Variants in SMARCB1 observed in about 807,000 individuals in gnomAD.
SMARCB1 encodes the protein SWI/SNF related BAF chromatin remodeling complex subunit B1, also known as SWI/SNF-related matrix-associated actin-dependent regulator of chromatin subfamily B member 1.
A neutral mutation model predicts 49.0 loss-of-function variants in SMARCB1; 5 were observed. The ratio of observed to expected loss-of-function variants is 0.10; its 90% CI spans 0.05 to 0.21. SMARCB1 has a LOEUF of 0.21. SMARCB1 is among the 10% of genes least tolerant of loss of function. The pLI is 1.00. For synonymous variants in SMARCB1, 201 were observed against 200.1 expected (o/e 1.00, Z -0.04); for missense variants, 226 against 509.2 (o/e 0.44, Z 5.35).
intron 5 of SMARCB1, among the ~76,000 whole-genome samples, chr22:23,808,323 G>A (rs1444115927): frequency 3.9e-5 from 6 of 152,114 alleles, no homozygotes; most frequent in Middle Eastern, 3.2e-3. Flanking sequence ...GGGTTTCACC[G>A]TGTTAGCCAG....
At chr22:23,802,434 C>G in intron 4 of SMARCB1, 1 of 152,634 alleles carries the variant, frequency 6.6e-6, no homozygotes, top group East Asian at 1.9e-4. Flanking sequence ...CCCATCCTAC[C>G]CCCTCCTCCT....
chr22:23,826,894 G>A (rs891019842), intron 7 of SMARCB1, among the ~76,000 whole-genome samples: 47 of 152,154 alleles, frequency 3.1e-4, no homozygotes, highest in African/African-American at 1.1e-3. Context: ...CAGCAGCCCT[G>A]CCAGTCACAT....
At chr22:23,793,494 A>T in intron 2 of SMARCB1, 65 bp from the exon 3 acceptor site, 1 of 1,585,774 alleles carries the variant, frequency 6.3e-7, no homozygotes, top group Non-Finnish European at 8.7e-7. Flanking sequence ...TGCTGCATCC[A>T]CTTGGCTGGC....
Position 23,834,539 on chromosome 22 carries a change from A to ACAGGTC in SMARCB1, c.*359_*360insCAGGTC. On this transcript the variant is annotated 3_prime_UTR_variant, in exon 9 of 9. Coordinates refer to ENST00000644036, the MANE Select transcript of SMARCB1 (RefSeq NM_003073.5). ...CAACAGGTCATGTTCAATTTCTTCA[A>ACAGGTC]AGTTTTAACATAAAAATAATGAGAG... 2 of 688,574 alleles carry ACAGGTC rather than the reference A, an allele frequency of 2.9e-6. No individual in the cohort carries two copies. The highest frequency in any genetic ancestry group is 1.8e-5 in the African/African-American group (1 of 56,088). 42.7% of individuals were successfully genotyped at this position (688,574 alleles called of 1,614,324 possible). A position where few individuals can be genotyped will look rare whatever the true frequency, so the allele number is the denominator to read the frequency against.
chr22:23,804,461 T>A (rs571547245), intron 5 of SMARCB1: 1 of 152,358 alleles, frequency 6.6e-6, no homozygotes, highest in East Asian at 1.9e-4. Context: ...CAATTCCACA[T>A]GCAAACATAT....
intron 7 of SMARCB1, among the ~76,000 whole-genome samples, chr22:23,831,812 C>G (rs1276364841): frequency 6.6e-6 from 1 of 152,158 alleles, no homozygotes; most frequent in Non-Finnish European, 1.5e-5. Context: ...TGTTTGGGGT[C>G]TGAGGCTAGG....
chr22:23,837,486 C>T lies in SMARCB1; in HGVS notation c.*3306C>T, dbSNP rs1186105948. 26 of 714,570 alleles carry T rather than the reference C, an allele frequency of 3.6e-5. No individual in the cohort carries two copies. The highest frequency in any genetic ancestry group is 2.4e-4 in the South Asian group (13 of 53,414). The allele number at this position is 714,570 out of a possible 1,614,324, so 44.3% of individuals were successfully genotyped here. On this transcript the variant is annotated 3_prime_UTR_variant, in exon 9 of 9. Coordinates refer to ENST00000644036, the MANE Select transcript of SMARCB1 (RefSeq NM_003073.5). ...TCCTGACGATGCAAATTATGTGGGCCGGCTGGCTTGAGGGGCTGTAAGAGC... is the reference window on the plus strand; with the variant it reads ...TCCTGACGATGCAAATTATGTGGGCTGGCTGGCTTGAGGGGCTGTAAGAGC...
chr22:23,820,433 G>A (rs755364013), intron 6 of SMARCB1, among the ~76,000 whole-genome samples: 1 of 152,128 alleles, frequency 6.6e-6, no homozygotes, highest in Non-Finnish European at 1.5e-5. Context: ...AATTAGCCGG[G>A]TATGGTGGCA....
At chr22:23,823,261 G>C (rs887911374) in intron 6 of SMARCB1, 5 of 152,304 alleles carry the variant, frequency 3.3e-5, no homozygotes, top group African/African-American at 7.2e-5. Flanking sequence ...AGGGCTTGCT[G>C]GGTGGGAGCC....
intron 3 of SMARCB1, among the ~76,000 whole-genome samples, chr22:23,797,605 T>G (rs1355773152): frequency 4.8e-5 from 5 of 103,908 alleles, no homozygotes; most frequent in South Asian, 3.5e-4. Context: ...CCACTGCGCC[T>G]GGCCTTTTTT....
rs1345582480 is a variant in SMARCB1 at position 23,836,196 on chromosome 22, C to T, written c.*2016C>T. 1 of 985,302 alleles carries T rather than the reference C, an allele frequency of 1.0e-6. No individual in the cohort carries two copies. Among genetic ancestry groups the T allele is most frequent in the Non-Finnish European group, 1.2e-6 (1 of 829,934 alleles). The allele number at this position is 985,302 out of a possible 1,614,324, so 61.0% of individuals were successfully genotyped here. ...AACTCTGCTAAGGTGAAAACTTAGG[C>T]TCTGAGGTCATAGAAAGGGCAGAAG... On this transcript the variant is annotated 3_prime_UTR_variant, in exon 9 of 9. Transcript: ENST00000644036.
At position 23,836,816 on chromosome 22, in the gene SMARCB1, A is replaced by G. The variant is rs2031082912; in HGVS notation, c.*2636A>G. Reference sequence around the variant, plus strand: ...GTTTTTTCTGCCCCAAGTAGGGGTCATGGGTAGGATGGAAGCTGCCAGAAG... The same window carrying G: ...GTTTTTTCTGCCCCAAGTAGGGGTCGTGGGTAGGATGGAAGCTGCCAGAAG... On this transcript the variant is annotated 3_prime_UTR_variant, in exon 9 of 9. Coordinates refer to ENST00000644036, the MANE Select transcript of SMARCB1 (RefSeq NM_003073.5). 4.9e-6 allele frequency: 7 copies of G among 1,431,038 alleles called. No homozygotes were observed. The highest frequency in any genetic ancestry group is 1.6e-5 in the South Asian group (1 of 62,218). 88.6% of individuals were successfully genotyped at this position (1,431,038 alleles called of 1,614,324 possible). A position where few individuals can be genotyped will look rare whatever the true frequency, so the allele number is the denominator to read the frequency against.
In SMARCB1 at chr22:23,809,691, A is replaced by G. The variant is rs536803892; in HGVS notation, c.628+6269A>G. On this transcript the variant is annotated intron_variant, in intron 5 of 8. Transcript: ENST00000644036. ...CTCCCAAAGTGCTGGGATTATAGGC[A>G]TGAGCCACCGCGCCCAGCCGAATGA... 9.3e-3 allele frequency among the ~76,000 whole-genome samples: 1,399 copies of G among 150,096 alleles called. 24 individuals carry two copies. The highest frequency in any genetic ancestry group is 0.029 in the South Asian group (137 of 4,700).
chr22:23,801,594 G>A, intron 4 of SMARCB1: 1 of 350,356 alleles, frequency 2.9e-6, no homozygotes, highest in South Asian at 2.2e-5. Flanking sequence ...AGGCCATCGA[G>A]GCGATTCGGT....
Position 23,836,743 on chromosome 22 carries a change from T to G in SMARCB1, c.*2563T>G. The G allele has an allele frequency of 4.4e-6, 6 of 1,359,396 alleles. No individual in the cohort carries two copies. The highest frequency in any genetic ancestry group is 3.8e-6 in the Non-Finnish European group (4 of 1,059,000). 84.2% of individuals were successfully genotyped at this position (1,359,396 alleles called of 1,614,324 possible). On this transcript the variant is annotated 3_prime_UTR_variant, in exon 9 of 9. Coordinates refer to ENST00000644036, the MANE Select transcript of SMARCB1 (RefSeq NM_003073.5). ...CTGTGGGCCAAGAGACTGCAGCTCA[T>G]TCTGTTTATTCAGGTGGGCCCTTGC... is the stretch of plus-strand genomic sequence containing the variant.
At position 23,837,011 on chromosome 22, in the gene SMARCB1, G is replaced by C; in HGVS notation, c.*2831G>C. ...GCACAGGCCAGCACAGGTCCCCATC[G>C]GTGGGGATCCTTCTGAGGGTGGGGA... On this transcript the variant is annotated 3_prime_UTR_variant, in exon 9 of 9. Coordinates refer to ENST00000644036, the MANE Select transcript of SMARCB1 (RefSeq NM_003073.5). 2 of 1,612,170 alleles carry C rather than the reference G, an allele frequency of 1.2e-6. No individual in the cohort carries two copies. The highest frequency in any genetic ancestry group is 1.7e-6 in the Non-Finnish European group (2 of 1,179,086).
At chr22:23,801,265 C>G (rs1348630757) in intron 4 of SMARCB1, 184 bp downstream of exon 4, 1 of 869,264 alleles carries the variant, frequency 1.2e-6, no homozygotes, top group Non-Finnish European at 1.9e-6. Flanking sequence ...CCATAGCCTC[C>G]TTGGCTCTGT....
chr22:23,793,277 G>A, intron 2 of SMARCB1: 3 of 495,948 alleles, frequency 6.0e-6, no homozygotes, highest in South Asian at 5.9e-5. Context: ...TATTGTAGTT[G>A]CTGGTGCTGC....
At chr22:23,819,257 T>A (rs1467055003) in intron 6 of SMARCB1, among the ~76,000 whole-genome samples, 2 of 152,242 alleles carry the variant, frequency 1.3e-5, no homozygotes, top group East Asian at 3.8e-4. Context: ...ACATTTTGGC[T>A]ATTGTGAATA....
Sources: allele counts gnomAD v4.1 joint callset (sites outside exome capture counted in the v4.1 genomes callset), GRCh38; gene constraint gnomAD v4.1.1; transcripts MANE v1.5; gene names NCBI Gene and HGNC (gene_info 2026-07-23, HGNC 2026-07-21).